The following VSTM2L variants were observed in gnomAD, a reference collection of about 807,000 sequenced individuals.
The protein encoded by VSTM2L is V-set and transmembrane domain-containing protein 2-like protein.
A neutral mutation model predicts 19.9 loss-of-function variants in VSTM2L; 9 were observed. That is an observed-to-expected ratio of 0.45 (90% CI 0.27 to 0.79). The LOEUF (loss-of-function observed/expected upper bound fraction) is 0.79. Among genes scored for constraint, VSTM2L ranks in the 30% least tolerant of loss-of-function variants. VSTM2L has a pLI of 0.15. For synonymous variants in VSTM2L, 127 were observed against 133.8 expected, an observed-to-expected ratio of 0.95 and a Z score of 0.35; for missense variants, 286 against 295.5, an observed-to-expected ratio of 0.97 and a Z score of 0.24.
At chr20:37,941,703 G>A (rs2072973035) in intron 3 of VSTM2L, among the ~76,000 whole-genome samples, 1 of 152,094 alleles carries the variant, frequency 6.6e-6, no homozygotes, top group Non-Finnish European at 1.5e-5. Flanking sequence ...CAGGTCTGAG[G>A]CCCACTCACC....
intron 1 of VSTM2L, among the ~76,000 whole-genome samples, chr20:37,913,700 G>A (rs1020540453): frequency 1.3e-5 from 2 of 152,336 alleles, no homozygotes; most frequent in African/African-American, 4.8e-5. Context: ...GGGACTGCTG[G>A]GGCTGAGAGG....
At chr20:37,937,860 G>T (rs1012265405) in intron 3 of VSTM2L, among the ~76,000 whole-genome samples, 3 of 152,180 alleles carry the variant, frequency 2.0e-5, no homozygotes, top group Non-Finnish European at 4.4e-5. Flanking sequence ...TCCTGGAGGA[G>T]GTGCTATTTG....
chr20:37,937,051 T>C (rs933301973), intron 3 of VSTM2L, among the ~76,000 whole-genome samples: 2 of 151,948 alleles, frequency 1.3e-5, no homozygotes, highest in African/African-American at 4.8e-5. Flanking sequence ...TGACACCCCG[T>C]CTCTACTAAA....
At position 37,929,098 on chromosome 20, in the gene VSTM2L, T is replaced by C. The variant is rs545615689; in HGVS notation, c.122-2537T>C. Among the ~76,000 whole-genome samples, 49 of 151,750 alleles carry C rather than the reference T, an allele frequency of 3.2e-4. 1 individual carries two copies. In the South Asian group the frequency reaches 0.01, roughly 31 times the overall value. On this transcript the variant is annotated intron_variant, in intron 1 of 3. Transcript: ENST00000373461. ...GGGAAGGGTGGTTTGAAGTGCCGGGTTTAAATGAGGTGGTCAGGGCAGGCC... is the reference window on the plus strand; with the variant it reads ...GGGAAGGGTGGTTTGAAGTGCCGGGCTTAAATGAGGTGGTCAGGGCAGGCC...
intron 1 of VSTM2L, among the ~76,000 whole-genome samples, chr20:37,905,723 G>C (rs1174859851): frequency 6.6e-6 from 1 of 152,190 alleles, no homozygotes; most frequent in Non-Finnish European, 1.5e-5. Flanking sequence ...AAGTCACCAA[G>C]TAGTGACTGC....
chr20:37,923,595 C>T (rs2072864075), intron 1 of VSTM2L, among the ~76,000 whole-genome samples: 2 of 152,170 alleles, frequency 1.3e-5, no homozygotes, highest in Admixed American at 1.3e-4. Context: ...GTAACTATAC[C>T]AGCCTCCCTG....
At chr20:37,929,361 C>T (rs2072896075) in intron 1 of VSTM2L, among the ~76,000 whole-genome samples, 1 of 152,150 alleles carries the variant, frequency 6.6e-6, no homozygotes, top group Non-Finnish European at 1.5e-5. Flanking sequence ...AGGGAATGGC[C>T]TCCCATGGAA....
Position 37,944,377 on chromosome 20 carries a change from A to G in VSTM2L, c.*124A>G. The G allele has an allele frequency of 7.8e-7, 1 of 1,277,142 alleles. No individual in the cohort carries two copies. The allele number at this position is 1,277,142 out of a possible 1,614,324, so 79.1% of individuals were successfully genotyped here. A position where few individuals can be genotyped will look rare whatever the true frequency, so the allele number is the denominator to read the frequency against. On this transcript the variant is annotated 3_prime_UTR_variant, in exon 4 of 4. Coordinates refer to ENST00000373461, the MANE Select transcript of VSTM2L (RefSeq NM_080607.3). ...CCCATCCCCGAGGCCGCCTGTGGCC[A>G]CCATGTCGGCCCTCTTTCCACCACC...
Position 37,904,403 on chromosome 20 carries a change from A to C in VSTM2L, c.121+932A>C, listed in dbSNP as rs1473585057. ...CCAGCCGCTGTGGAAGCCGGGGAGC[A>C]GACAAGCATTCCCAGCACTGGCTGG... On this transcript the variant is annotated intron_variant, in intron 1 of 3. Transcript: ENST00000373461. 2.0e-5 allele frequency among the ~76,000 whole-genome samples: 3 copies of C among 152,246 alleles called. No homozygotes were observed. In the South Asian group the frequency reaches 6.2e-4, roughly 31 times the overall value.
chr20:37,921,745 G>A (rs1309317452), intron 1 of VSTM2L, among the ~76,000 whole-genome samples: 2 of 151,960 alleles, frequency 1.3e-5, no homozygotes, highest in Non-Finnish European at 2.9e-5. Context: ...CATTGGAGCC[G>A]AGGTTTGAAG....
intron 3 of VSTM2L, among the ~76,000 whole-genome samples, chr20:37,936,592 C>T (rs547752610): frequency 1.1e-4 from 17 of 152,172 alleles, no homozygotes; most frequent in Non-Finnish European, 2.4e-4. Flanking sequence ...GCTTCGTGAA[C>T]CTGCCTGGGT....
intron 1 of VSTM2L, among the ~76,000 whole-genome samples, chr20:37,908,812 T>C (rs2072764440): frequency 6.6e-6 from 1 of 151,966 alleles, no homozygotes; most frequent in African/African-American, 2.4e-5. Flanking sequence ...CAAAAGTAAA[T>C]AAATAGATAA....
At chr20:37,930,228 T>C (rs1365989724) in intron 1 of VSTM2L, among the ~76,000 whole-genome samples, 2 of 152,200 alleles carry the variant, frequency 1.3e-5, no homozygotes, top group Non-Finnish European at 2.9e-5. Context: ...AGTTTCCAGA[T>C]GGAGTCGTTT....
chr20:37,922,091 C>T (rs570076527), intron 1 of VSTM2L, among the ~76,000 whole-genome samples: 13 of 152,144 alleles, frequency 8.5e-5, no homozygotes, highest in East Asian at 5.8e-4. Context: ...ATGGTTCAGC[C>T]GCATCAAGAA....
chr20:37,937,866 A>G (rs1021279211), intron 3 of VSTM2L, among the ~76,000 whole-genome samples: 3 of 152,096 alleles, frequency 2.0e-5, no homozygotes, highest in African/African-American at 7.2e-5. Context: ...AGGAGGTGCT[A>G]TTTGAAGTGA....
At chr20:37,913,993 A>G (rs2072795315) in intron 1 of VSTM2L, among the ~76,000 whole-genome samples, 1 of 151,896 alleles carries the variant, frequency 6.6e-6, no homozygotes, top group Non-Finnish European at 1.5e-5. Flanking sequence ...CGGACAGGAG[A>G]GGCTGCTCCC....
chr20:37,915,390 T>C (rs2072812716), intron 1 of VSTM2L, among the ~76,000 whole-genome samples: 1 of 151,922 alleles, frequency 6.6e-6, no homozygotes, highest in African/African-American at 2.4e-5. Flanking sequence ...CCTTCAGCCA[T>C]GAATTCTCTG....
At chr20:37,936,496 G>T (rs1479688731) in intron 3 of VSTM2L, among the ~76,000 whole-genome samples, 1 of 152,194 alleles carries the variant, frequency 6.6e-6, no homozygotes, top group Non-Finnish European at 1.5e-5. Context: ...TTACGTCAGA[G>T]GACAGGCATA....
rs886413905 is a variant in VSTM2L at position 37,931,916 on chromosome 20, C to T, written c.291+112C>T. The T allele has an allele frequency of 3.9e-5, 48 of 1,215,888 alleles. No homozygotes were observed. The East Asian group carries it at 1.2e-3, about 29-fold the overall frequency. 75.3% of individuals were successfully genotyped at this position (1,215,888 alleles called of 1,614,324 possible). A position where few individuals can be genotyped will look rare whatever the true frequency, so the allele number is the denominator to read the frequency against. On this transcript the variant is annotated intron_variant, in intron 2 of 3. Coordinates refer to ENST00000373461, the MANE Select transcript of VSTM2L (RefSeq NM_080607.3). Reference sequence around the variant, plus strand: ...GAGGGATATGGGCTCCAACGCTGTTCTCCACACCACACAGCTGTCTCCCTC... The same window carrying T: ...GAGGGATATGGGCTCCAACGCTGTTTTCCACACCACACAGCTGTCTCCCTC...
Sources: allele counts gnomAD v4.1 joint callset (sites outside exome capture counted in the v4.1 genomes callset), GRCh38; gene constraint gnomAD v4.1.1; transcripts MANE v1.5; gene names NCBI Gene and HGNC (gene_info 2026-07-23, HGNC 2026-07-21).